Variants in RPS6 observed in about 807,000 individuals in gnomAD.
RPS6 encodes the protein ribosomal protein S6.
A neutral mutation model predicts 27.1 loss-of-function variants in RPS6; 1 was observed. The observed-to-expected ratio is 0.04, with a 90% CI of 0.01 to 0.18. The LOEUF is 0.18. Ranked by LOEUF, RPS6 falls within the 10% of genes least tolerant of loss-of-function variation. The pLI is 1.00. For missense variants in RPS6, 259 were observed against 319.1 expected (o/e 0.81, Z 1.44); for synonymous variants, 152 against 106.0 (o/e 1.43, Z -2.66).
At chr9:19,379,024 T>C in intron 2 of RPS6, 106 bp from the exon 3 acceptor site, 5 of 1,139,910 alleles carry the variant, frequency 4.4e-6, no homozygotes, top group South Asian at 1.6e-5. Context: ...AGTATAATTA[T>C]GAAAACCAAT....
chr9:19,378,085 G>A (rs149724506), intron 4 of RPS6, among the ~76,000 whole-genome samples: 43 of 152,296 alleles, frequency 2.8e-4, no homozygotes, highest in African/African-American at 1.0e-3. Context: ...TCCTAAACCA[G>A]ATAGCAATGA....
At position 19,375,758 on chromosome 9, in the gene RPS6, T is replaced by G. The variant is rs1453201116; in HGVS notation, c.*535A>C. ...ATGTTTTTAGTCATTTCCTTTTCAG[T>G]GTGTGAACAGCCTAACAATTCACTG... On this transcript the variant is annotated 3_prime_UTR_variant, in exon 6 of 6. Transcript: ENST00000380394. 1.3e-5 allele frequency: 2 copies of G among 152,398 alleles called. No homozygotes were observed. Among genetic ancestry groups the G allele is most frequent in the Non-Finnish European group, 2.9e-5 (2 of 68,178 alleles). 9.4% of individuals were successfully genotyped at this position (152,398 alleles called of 1,614,324 possible).
rs1370300931 is a variant in RPS6 at position 19,378,654 on chromosome 9, G to A, written c.349+54C>T. On this transcript the variant is annotated intron_variant, in intron 3 of 5. Coordinates refer to ENST00000380394, the MANE Select transcript of RPS6 (RefSeq NM_001010.3). ...GGATACTGCAAATGAATAAGCATTT[G>A]GACAACTGGCTTTAAATCAATTTCA... The A allele has an allele frequency of 3.1e-6, 5 of 1,594,504 alleles. 1 individual carries two copies. The Middle Eastern group carries it at 6.6e-4, about 212-fold the overall frequency.
intron 4 of RPS6, 151 bp from the exon 5 acceptor site, chr9:19,376,802 C>T: frequency 8.2e-6 from 5 of 609,640 alleles, no homozygotes; most frequent in Non-Finnish European, 1.3e-5. Flanking sequence ...TTCTAAAATG[C>T]TTTTTGCCCC....
chr9:19,376,332 C>T lies in RPS6; in HGVS notation c.711G>A (p.Leu237=). The change falls in exon 6 of 6, where the codon CTG becomes CTA. Residue 237 remains leucine (L), a synonymous_variant. Coordinates refer to ENST00000380394, the MANE Select transcript of RPS6 (RefSeq NM_001010.3). ...ATTCAGACTTAGAAGTAGAAGCTCG[C>T]AGAGAGGAAAGTCTGCGTCTCTTCG... ...QIAKRRRLSS[L]RASTSKSESS... is the part of the protein sequence containing the mutation. 1 of 1,614,084 alleles carries T rather than the reference C, an allele frequency of 6.2e-7. No individual in the cohort carries two copies. Among genetic ancestry groups the T allele is most frequent in the Non-Finnish European group, 8.5e-7 (1 of 1,180,014 alleles).
intron 4 of RPS6, 79 bp from the exon 5 acceptor site, chr9:19,376,730 ACGTAAGCTTAACAGCAT>A: frequency 7.1e-7 from 1 of 1,409,630 alleles, no homozygotes; most frequent in Non-Finnish European, 9.7e-7. Flanking sequence ...TCAGAAATAA[ACGTAAGCTTAACAGCAT>A]CTATGAAAAC....
chr9:19,380,171 A>T lies in RPS6; in HGVS notation c.6+19T>A. The T allele has an allele frequency of 6.2e-7, 1 of 1,613,788 alleles. No individual in the cohort carries two copies. Among genetic ancestry groups the T allele is most frequent in the Non-Finnish European group, 8.5e-7 (1 of 1,179,968 alleles). On this transcript the variant is annotated intron_variant, in intron 1 of 5. Coordinates refer to ENST00000380394, the MANE Select transcript of RPS6 (RefSeq NM_001010.3). ...TCACGTTCCCCAAACCCAGTCTAAC[A>T]CTCGCCACCATCACCTACCTTCATC...
intron 2 of RPS6, 164 bp downstream of exon 2, chr9:19,379,323 C>T: frequency 2.0e-6 from 3 of 1,508,238 alleles, no homozygotes; most frequent in African/African-American, 1.4e-5. Flanking sequence ...CTCTACGTCC[C>T]CCCCTCCAAG....
At position 19,379,159 on chromosome 9, in the gene RPS6, AAG is replaced by A. The variant is rs1228554086; in HGVS notation, c.139-243_139-242del. The A allele has an allele frequency of 3.7e-6, 3 of 818,234 alleles. No individual in the cohort carries two copies. The African/African-American group carries it at 5.2e-5, about 14-fold the overall frequency. The allele number at this position is 818,234 out of a possible 1,614,324, so 50.7% of individuals were successfully genotyped here. On this transcript the variant is annotated intron_variant, in intron 2 of 5. Coordinates refer to ENST00000380394, the MANE Select transcript of RPS6 (RefSeq NM_001010.3). ...ATGTTTTATTAGAGATAACAGCACT[AAG>A]AAGATAAAATATCAAACAGCAACAA...
In RPS6 at chr9:19,379,574, T is replaced by G; in HGVS notation, c.51A>C (p.Glu17Asp). 1 of 1,614,186 alleles carries G rather than the reference T, an allele frequency of 6.2e-7. No homozygotes were observed. The highest frequency in any genetic ancestry group is 8.5e-7 in the Non-Finnish European group (1 of 1,180,026). The change falls in exon 2 of 6, where the codon GAA becomes GAC. Residue 17 changes from glutamate to aspartate, a missense_variant. Transcript: ENST00000380394. The part of the protein sequence containing the change: ...FPATGCQKLI[E>D]VDDERKLRTF... ...TACGAAGTTTGCGTTCATCGTCCAC[T>G]TCAATGAGTTTCTGGCAGCCAGTGG...
intron 1 of RPS6, chr9:19,379,953 C>G (rs1393895158): frequency 7.0e-7 from 1 of 1,437,312 alleles, no homozygotes; most frequent in East Asian, 2.5e-5. Context: ...GCATCCGTCC[C>G]GGCTGGGCGC....
At chr9:19,376,928 T>C (rs1461410600) in intron 4 of RPS6, 1 of 303,892 alleles carries the variant, frequency 3.3e-6, no homozygotes, top group Non-Finnish European at 6.1e-6. Context: ...TACAGTGGCA[T>C]TATGTTAATA....
At chr9:19,379,957 TG>T (rs1204308786) in intron 1 of RPS6, 2 of 1,438,082 alleles carry the variant, frequency 1.4e-6, no homozygotes, top group Non-Finnish European at 1.8e-6. Flanking sequence ...CCGTCCCGGC[TG>T]GGCGCGGGGA....
intron 1 of RPS6, chr9:19,379,832 C>G (rs538586826): frequency 7.0e-7 from 1 of 1,424,808 alleles, no homozygotes. Flanking sequence ...CCTCAAGCCC[C>G]GCGGAATGAC....
intron 2 of RPS6, 31 bp downstream of exon 2, chr9:19,379,456 T>G: frequency 6.2e-7 from 1 of 1,613,654 alleles, no homozygotes; most frequent in Non-Finnish European, 8.5e-7. Context: ...GTCTCTGACT[T>G]AAATACCTGC....
chr9:19,379,333 G>A (rs1400843592), intron 2 of RPS6, 154 bp downstream of exon 2: 3 of 1,526,078 alleles, frequency 2.0e-6, no homozygotes, highest in South Asian at 2.5e-5. Context: ...CCCCCTCCAA[G>A]GTAATACCTC....
In RPS6 at chr9:19,375,880, T is replaced by C. The variant is rs993510830; in HGVS notation, c.*413A>G. The stretch of plus-strand genomic sequence containing the variant: ...CTAGGTATCCACTAAAACTATGCCT[T>C]AAAAGTTACCTTTTAAAAAAGACAT... On this transcript the variant is annotated 3_prime_UTR_variant, in exon 6 of 6. Coordinates refer to ENST00000380394, the MANE Select transcript of RPS6 (RefSeq NM_001010.3). The C allele has an allele frequency of 6.5e-6, 1 of 154,238 alleles. No individual in the cohort carries two copies. The highest frequency in any genetic ancestry group is 1.4e-5 in the Non-Finnish European group (1 of 69,452). The allele number at this position is 154,238 out of a possible 1,614,324, so 9.6% of individuals were successfully genotyped here.
In RPS6 at chr9:19,378,862, C is replaced by T. The variant is rs375102744; in HGVS notation, c.195G>A (p.Gln65=). The T allele has an allele frequency of 1.3e-5, 21 of 1,614,094 alleles. No individual in the cohort carries two copies. The highest frequency in any genetic ancestry group is 1.8e-5 in the Non-Finnish European group (21 of 1,180,052). ...GNDKQGFPMK[Q]GVLTHGRVRL... The stretch of plus-strand genomic sequence containing the variant: ...GGACACGGCCATGGGTCAAGACACC[C>T]TGCTTCATGGGGAAACCTTGTTTGT... Residue 65 remains glutamine (Q), a synonymous_variant, in exon 3 of 6, where the codon CAG becomes CAA. Coordinates refer to ENST00000380394, the MANE Select transcript of RPS6 (RefSeq NM_001010.3).
In RPS6 at chr9:19,378,735, C is replaced by T. The variant is rs778334186; in HGVS notation, c.322G>A (p.Val108Ile). 1.1e-5 allele frequency: 18 copies of T among 1,614,032 alleles called. No individual in the cohort carries two copies. The highest frequency in any genetic ancestry group is 1.4e-5 in the Non-Finnish European group (16 of 1,179,966). Reference protein sequence around the residue: ...RGCIVDANLSVLNLVIVKKGE... With the variant: ...RGCIVDANLSILNLVIVKKGE... ...TTTTTTACAATAACCAAGTTGAGAACGCTCAGATTTGCATCCACAATGCAA... is the reference window on the plus strand; with the variant it reads ...TTTTTTACAATAACCAAGTTGAGAATGCTCAGATTTGCATCCACAATGCAA... Residue 108 changes from valine to isoleucine, a missense_variant, in exon 3 of 6, where the codon GTT becomes ATT. Around this residue, in one of 3 missense-constraint regions of RPS6, gnomAD observed 191 missense variants for 231.6 expected, o/e 0.82. Coordinates refer to ENST00000380394, the MANE Select transcript of RPS6 (RefSeq NM_001010.3).
Sources: allele counts gnomAD v4.1 joint callset (sites outside exome capture counted in the v4.1 genomes callset), GRCh38; gene constraint gnomAD v4.1.1; regional missense constraint gnomAD v4.1.1; transcripts MANE v1.5; gene names NCBI Gene and HGNC (gene_info 2026-07-23, HGNC 2026-07-21).